LRRC4C: variants seen among roughly 807,000 people sequenced by gnomAD.
LRRC4C encodes the protein leucine-rich repeat-containing protein 4C.
In LRRC4C, 5 loss-of-function variants were observed where a neutral mutation model predicts 33.6. The observed-to-expected ratio is 0.15, with a 90% CI of 0.08 to 0.31. LRRC4C has a LOEUF of 0.31. LRRC4C is among the 10% of genes least tolerant of loss of function. LRRC4C has a pLI of 1.00. For synonymous variants in LRRC4C, 329 were observed against 302.0 expected (o/e 1.09, Z -0.93); for missense variants, 560 against 796.7 (o/e 0.70, Z 3.58).
At chr11:40,811,006 C>T (rs1406210555) in intron 2 of LRRC4C, among the ~76,000 whole-genome samples, 1 of 152,308 alleles carries the variant, frequency 6.6e-6, no homozygotes, top group South Asian at 2.1e-4. Context: ...CATAATCAGA[C>T]CTCTGTCTTT....
intron 1 of LRRC4C, among the ~76,000 whole-genome samples, chr11:41,115,784 C>T (rs1942088344): frequency 6.6e-6 from 1 of 152,078 alleles, no homozygotes; most frequent in Non-Finnish European, 1.5e-5. Flanking sequence ...TTGTCAGTCT[C>T]CCGCAACTGG....
intron 1 of LRRC4C, among the ~76,000 whole-genome samples, chr11:41,044,008 C>A (rs1291897029): frequency 6.6e-6 from 1 of 152,078 alleles, no homozygotes; most frequent in East Asian, 1.9e-4. Context: ...CCCCCACACA[C>A]CTCATCACAT....
chr11:40,560,036 C>T (rs748793765), intron 3 of LRRC4C, among the ~76,000 whole-genome samples: 5 of 152,100 alleles, frequency 3.3e-5, no homozygotes, highest in African/African-American at 1.2e-4. Flanking sequence ...GAGTCACATC[C>T]CCAGTTAAGA....
intron 3 of LRRC4C, among the ~76,000 whole-genome samples, chr11:40,557,811 G>A (rs572557385): frequency 2.8e-4 from 43 of 152,156 alleles, no homozygotes; most frequent in African/African-American, 9.2e-4. Context: ...AATCCTATGA[G>A]CCTTCAATGC....
At chr11:41,314,292 A>C (rs1950722316) in intron 1 of LRRC4C, among the ~76,000 whole-genome samples, 1 of 152,198 alleles carries the variant, frequency 6.6e-6, no homozygotes, top group African/African-American at 2.4e-5. Context: ...GGTATCAGTT[A>C]AGTTTAGCCT....
chr11:40,580,294 G>C (rs1299704721), intron 3 of LRRC4C, among the ~76,000 whole-genome samples: 2 of 152,106 alleles, frequency 1.3e-5, no homozygotes, highest in Non-Finnish European at 2.9e-5. Context: ...GGCAGCAGGA[G>C]AGAAAAATGA....
chr11:41,338,676 T>C (rs1483948862), intron 1 of LRRC4C, among the ~76,000 whole-genome samples: 1 of 152,074 alleles, frequency 6.6e-6, no homozygotes, highest in Admixed American at 6.6e-5. Flanking sequence ...GCATGTTCTG[T>C]ACACGTATCT....
chr11:40,351,646 C>A (rs1206621689), intron 3 of LRRC4C: 1 of 152,068 alleles, frequency 6.6e-6, no homozygotes. Flanking sequence ...TCCCCCCTTT[C>A]TCACTACTAA....
intron 1 of LRRC4C, among the ~76,000 whole-genome samples, chr11:41,186,370 G>A (rs896139341): frequency 6.6e-6 from 1 of 152,066 alleles, no homozygotes; most frequent in Non-Finnish European, 1.5e-5. Flanking sequence ...AAATATAACA[G>A]AGAAAAATTT....
At chr11:40,656,596 G>A (rs925361801) in intron 2 of LRRC4C, among the ~76,000 whole-genome samples, 16 of 151,918 alleles carry the variant, frequency 1.1e-4, no homozygotes, top group Non-Finnish European at 2.1e-4. Context: ...TCACGCTCTC[G>A]AGAGACTTTC....
Position 41,136,138 on chromosome 11 carries a change from C to T in LRRC4C, c.-495-202415G>A, listed in dbSNP as rs139198639. Among the ~76,000 whole-genome samples the T allele has an allele frequency of 1.6e-3, 238 of 152,282 alleles. 1 individual carries two copies. The highest frequency in any genetic ancestry group is 5.5e-3 in the African/African-American group (230 of 41,570). On this transcript the variant is annotated intron_variant, in intron 1 of 6. Coordinates refer to ENST00000528697, the MANE Select transcript of LRRC4C (RefSeq NM_001258419.2). ...TGGATATACAATGAAGAACAACACA[C>T]GCTTTCCCTACTTTTATGGAGTTAC...
At chr11:40,390,490 T>A (rs1335087381) in intron 3 of LRRC4C, among the ~76,000 whole-genome samples, 1 of 152,218 alleles carries the variant, frequency 6.6e-6, no homozygotes, top group Non-Finnish European at 1.5e-5. Context: ...CTAAGCTACC[T>A]GATGAAAATT....
chr11:40,476,312 G>A (rs1412266804), intron 3 of LRRC4C, among the ~76,000 whole-genome samples: 1 of 147,666 alleles, frequency 6.8e-6, no homozygotes, highest in Admixed American at 6.8e-5. Context: ...GTAAAGGGAT[G>A]AAAACTAATG....
At chr11:40,479,188 C>T (rs1269791343) in intron 3 of LRRC4C, among the ~76,000 whole-genome samples, 2 of 152,092 alleles carry the variant, frequency 1.3e-5, no homozygotes, top group African/African-American at 2.4e-5. Context: ...TCTAAAACCA[C>T]TCAGTGAGAG....
intron 2 of LRRC4C, among the ~76,000 whole-genome samples, chr11:40,827,946 A>G (rs1182293147): frequency 6.6e-6 from 1 of 151,784 alleles, no homozygotes; most frequent in East Asian, 1.9e-4. Flanking sequence ...CAAAAATAAA[A>G]ACAATTACAA....
intron 1 of LRRC4C, among the ~76,000 whole-genome samples, chr11:41,215,226 G>A (rs1447892244): frequency 1.3e-5 from 2 of 151,478 alleles, no homozygotes; most frequent in Admixed American, 6.6e-5. Flanking sequence ...AGTGGCTCAC[G>A]TCTGTAACCC....
intron 5 of LRRC4C, among the ~76,000 whole-genome samples, chr11:40,162,835 T>A (rs1657599197): frequency 6.6e-6 from 1 of 152,204 alleles, no homozygotes; most frequent in African/African-American, 2.4e-5. Context: ...AATACAACAA[T>A]GAGGCACTTT....
chr11:41,198,878 T>C (rs1376993266), intron 1 of LRRC4C, among the ~76,000 whole-genome samples: 1 of 152,132 alleles, frequency 6.6e-6, no homozygotes. Flanking sequence ...GTTAGTGAAC[T>C]ATGTATTGAG....
chr11:41,154,770 A>G (rs1257085998), intron 1 of LRRC4C, among the ~76,000 whole-genome samples: 1 of 152,170 alleles, frequency 6.6e-6, no homozygotes, highest in African/African-American at 2.4e-5. Flanking sequence ...CATACTTTAA[A>G]TTATTCATTG....
Sources: allele counts gnomAD v4.1 joint callset (sites outside exome capture counted in the v4.1 genomes callset), GRCh38; gene constraint gnomAD v4.1.1; transcripts MANE v1.5; gene names NCBI Gene and HGNC (gene_info 2026-07-23, HGNC 2026-07-21).